The following SMIM21 variants were observed in gnomAD, a reference collection of about 807,000 sequenced individuals.
SMIM21 encodes the protein small integral membrane protein 21.
SMIM21 carries 8 observed loss-of-function variants against 8.6 expected under a neutral mutation model. The observed-to-expected ratio is 0.93, with a 90% confidence interval of 0.55 to 1.68. The LOEUF is 1.68. Among genes scored for constraint, SMIM21 ranks in the 40% most tolerant of loss-of-function variants. SMIM21 has a pLI of 0.00. For missense variants in SMIM21, 132 were observed against 123.0 expected, an observed-to-expected ratio of 1.07 and a Z score of -0.35; for synonymous variants, 43 against 41.7, an observed-to-expected ratio of 1.03 and a Z score of -0.12.
intron 2 of SMIM21, 120 bp from the exon 3 acceptor site, chr18:75,411,029 C>A (rs1185422983): frequency 1.9e-5 from 26 of 1,400,830 alleles, no homozygotes; most frequent in Non-Finnish European, 2.5e-5. Flanking sequence ...TTAATTTTTC[C>A]CCCCAAGATT....
At chr18:75,421,989 A>G (rs1402072559) in intron 1 of SMIM21, among the ~76,000 whole-genome samples, 1 of 152,128 alleles carries the variant, frequency 6.6e-6, no homozygotes, top group African/African-American at 2.4e-5. Context: ...CACTTTGAGA[A>G]CCAATATGAC....
At chr18:75,414,884 GA>G (rs757734018) in intron 2 of SMIM21, among the ~76,000 whole-genome samples, 2 of 152,154 alleles carry the variant, frequency 1.3e-5, no homozygotes, top group African/African-American at 2.4e-5. Context: ...AAAAGAGGGG[GA>G]AAGTTCATCT....
chr18:75,422,539 A>G (rs901922190), intron 1 of SMIM21, among the ~76,000 whole-genome samples: 8 of 152,212 alleles, frequency 5.3e-5, no homozygotes, highest in Non-Finnish European at 8.8e-5. Context: ...ATGACTCATA[A>G]TAGTCAAAAT....
Position 75,410,869 on chromosome 18 carries a change from C to T in SMIM21, c.301G>A (p.Glu101Lys), listed in dbSNP as rs530050293. The T allele has an allele frequency of 2.0e-5, 33 of 1,614,110 alleles. No individual in the cohort carries two copies. Among genetic ancestry groups the T allele is most frequent in the Non-Finnish European group, 2.5e-5 (30 of 1,180,024 alleles). ...LKSSRNTAEA[E>K] The stretch of plus-strand genomic sequence containing the variant: ...AGAGAGAAACGTAGTGTCATTTATT[C>T]TGCTTCTGCTGTGTTCCTGGATGAC... Residue 101 changes from glutamate to lysine, a missense_variant, in exon 3 of 3, where the codon GAA (glutamate) becomes AAA (lysine). Physicochemically the swap from Glu to Lys is moderately conservative, Grantham distance 56. Coordinates refer to ENST00000579022, the MANE Select transcript of SMIM21 (RefSeq NM_001037331.3).
At chr18:75,422,285 A>G (rs2144557799) in intron 1 of SMIM21, among the ~76,000 whole-genome samples, 1 of 152,218 alleles carries the variant, frequency 6.6e-6, no homozygotes, top group Admixed American at 6.5e-5. Context: ...CACCTCAAAG[A>G]TTGTGTCATC....
chr18:75,414,122 T>TAC (rs150399683), intron 2 of SMIM21, among the ~76,000 whole-genome samples: 36,355 of 145,318 alleles, frequency 0.25, 5,155 homozygotes, highest in Non-Finnish European at 0.33. Flanking sequence ...CACACACACA[T>TAC]ACACACACAC....
At chr18:75,420,645 A>C (rs2024698627) in intron 1 of SMIM21, among the ~76,000 whole-genome samples, 1 of 152,226 alleles carries the variant, frequency 6.6e-6, no homozygotes, top group African/African-American at 2.4e-5. Context: ...GGAGTAAGTG[A>C]TTAAAGAAAG....
At chr18:75,422,228 G>C (rs376242872) in intron 1 of SMIM21, among the ~76,000 whole-genome samples, 50 of 152,254 alleles carry the variant, frequency 3.3e-4, no homozygotes, top group African/African-American at 7.5e-4. Context: ...GGCGCACCAT[G>C]GAGAGGGATA....
At chr18:75,419,587 C>T (rs898573634) in intron 1 of SMIM21, among the ~76,000 whole-genome samples, 9 of 152,060 alleles carry the variant, frequency 5.9e-5, no homozygotes, top group African/African-American at 1.9e-4. Flanking sequence ...TAAATCTAGT[C>T]AAGGTGGTGG....
In SMIM21 at chr18:75,410,842, TGAGA is replaced by T; in HGVS notation, c.*18_*21del. The T allele has an allele frequency of 1.9e-6, 3 of 1,614,088 alleles. No homozygotes were observed. Among genetic ancestry groups the T allele is most frequent in the Non-Finnish European group, 2.5e-6 (3 of 1,180,004 alleles). On this transcript the variant is annotated 3_prime_UTR_variant, in exon 3 of 3. Coordinates refer to ENST00000579022, the MANE Select transcript of SMIM21 (RefSeq NM_001037331.3). ...GGGGAAATCCATGGTATGAAGGCCA[TGAGA>T]GAGAAACGTAGTGTCATTTATTCTG...
chr18:75,419,044 CGTGTTTCAGAA>C (rs2024682259), intron 1 of SMIM21, 128 bp from the exon 2 acceptor site: 2 of 522,690 alleles, frequency 3.8e-6, no homozygotes, highest in Non-Finnish European at 6.5e-6. Context: ...TATTTAAGGT[CGTGTTTCAGAA>C]GTAAAACCAG....
Position 75,418,828 on chromosome 18 carries a change from C to T in SMIM21, c.218G>A (p.Gly73Glu), listed in dbSNP as rs776429162. 9.9e-6 allele frequency: 16 copies of T among 1,612,800 alleles called. No homozygotes were observed. Among genetic ancestry groups the T allele is most frequent in the Admixed American group, 1.7e-5 (1 of 59,960 alleles). ...VLLRNHSRIQ[G>E]VSEDWKRANS... is the part of the protein sequence containing the mutation. ...GGCCCTTTTCCAGTCTTCAGAAACCCCTTGTATCCTGCTATGATTCCTCAG... is the reference window on the plus strand; with the variant it reads ...GGCCCTTTTCCAGTCTTCAGAAACCTCTTGTATCCTGCTATGATTCCTCAG... Residue 73 changes from glycine (G) to glutamate (E), a missense_variant, in exon 2 of 3, where the codon GGG becomes GAG. By Grantham distance (98) the Gly-to-Glu change is moderately conservative (BLOSUM62 -2). Transcript: ENST00000579022.
rs541186229 is a variant in SMIM21 at position 75,415,490 on chromosome 18, G to A, written c.260+3296C>T. ...CGTGTGACAACATCTGCGGTCCTGG[G>A]GAAGATGAGCATTCTGACTTGCCTG... On this transcript the variant is annotated intron_variant, in intron 2 of 2. Transcript: ENST00000579022. 7.9e-5 allele frequency among the ~76,000 whole-genome samples: 12 copies of A among 152,304 alleles called. No homozygotes were observed. The East Asian group carries it at 2.1e-3, about 27-fold the overall frequency.
intron 2 of SMIM21, among the ~76,000 whole-genome samples, chr18:75,414,690 T>C (rs1325470966): frequency 6.6e-6 from 1 of 152,212 alleles, no homozygotes; most frequent in African/African-American, 2.4e-5. Flanking sequence ...GGAGGATGTT[T>C]CTTATTGTTG....
chr18:75,421,469 G>A (rs1360206068), intron 1 of SMIM21, among the ~76,000 whole-genome samples: 1 of 151,784 alleles, frequency 6.6e-6, no homozygotes, highest in Non-Finnish European at 1.5e-5. Context: ...GACCTCTGCT[G>A]TGGCCACAAG....
In SMIM21 at chr18:75,427,435, T is replaced by A; in HGVS notation, c.129A>T (p.Thr43=). 4 of 1,613,624 alleles carry A rather than the reference T, an allele frequency of 2.5e-6. No individual in the cohort carries two copies. Among genetic ancestry groups the A allele is most frequent in the Non-Finnish European group, 3.4e-6 (4 of 1,179,760 alleles). The change falls in exon 1 of 3, where the codon ACA becomes ACT. Residue 43 remains threonine, a splice_region_variant and synonymous_variant. Coordinates refer to ENST00000579022, the MANE Select transcript of SMIM21 (RefSeq NM_001037331.3). ...GNLLQKKALT[T]FENEHHIRFF... ...CAAAGTTAAAGACCCATAAACTCAC[T>A]GTGGTAAGTGCTTTCTTCTGCAGCA...
At chr18:75,417,513 G>C (rs2024659762) in intron 2 of SMIM21, 1 of 152,210 alleles carries the variant, frequency 6.6e-6, no homozygotes, top group South Asian at 2.1e-4. Flanking sequence ...CTAAGGAAGA[G>C]AGAATATAGC....
chr18:75,413,067 G>C (rs531820274), intron 2 of SMIM21, among the ~76,000 whole-genome samples: 1 of 152,074 alleles, frequency 6.6e-6, no homozygotes, highest in Non-Finnish European at 1.5e-5. Flanking sequence ...TCAAAAACAT[G>C]CTGGCAGTCG....
chr18:75,422,845 T>C (rs1011345946), intron 1 of SMIM21, among the ~76,000 whole-genome samples: 1 of 152,214 alleles, frequency 6.6e-6, no homozygotes, highest in Non-Finnish European at 1.5e-5. Flanking sequence ...GATTTCTTTA[T>C]GGGGTTATAA....
Sources: gnomAD v4.1 joint callset for allele counts (sites outside exome capture counted in the v4.1 genomes callset) on GRCh38, gnomAD v4.1.1 for gene constraint, MANE v1.5 for transcripts, NCBI Gene and HGNC (gene_info 2026-07-23, HGNC 2026-07-21) for gene names.